Variants in ARL4D observed in about 807,000 individuals in gnomAD.
ARL4D encodes the protein ARF like GTPase 4D.
Under a neutral mutation model 0.6 loss-of-function variants are expected in ARL4D, and 1 was observed. That is an observed-to-expected ratio of 1.64 (90% CI 0.58 to 7.76). The LOEUF (loss-of-function observed/expected upper bound fraction) is 7.76, where lower values mean the gene tolerates loss of function less well. Among genes scored for constraint, ARL4D ranks in the 30% most tolerant of loss-of-function variants. The pLI is 0.14. For missense variants in ARL4D, 230 were observed against 264.5 expected, an observed-to-expected ratio of 0.87 and a Z score of 0.90; for synonymous variants, 102 against 115.2, an observed-to-expected ratio of 0.89 and a Z score of 0.73.
rs2058086967 is a variant in ARL4D, at chr17:43,401,088, G to A, written c.*750G>A. 1 of 166,892 alleles carries A rather than the reference G, an allele frequency of 6.0e-6. No homozygotes were observed. The highest frequency in any genetic ancestry group is 1.5e-5 in the Non-Finnish European group (1 of 68,092). The allele number at this position is 166,892 out of a possible 1,614,324, so 10.3% of individuals were successfully genotyped here. ...TTATAAAAATTAGATTGTGTGTTAC[G>A]GGATGGCTTGTGAAAATTATAGGGG... On this transcript the variant is annotated 3_prime_UTR_variant, in exon 2 of 2. Transcript: ENST00000320033.
rs756182377 is a variant in ARL4D, at chr17:43,400,359, C to T, written c.*21C>T. The stretch of plus-strand genomic sequence containing the variant: ...GGTGACCCAAGCCCCCCCTCCCTTT[C>T]CTCCCACCTAGTAGGGGTCTGCACA... On this transcript the variant is annotated 3_prime_UTR_variant, in exon 2 of 2. Transcript: ENST00000320033. The T allele has an allele frequency of 3.9e-6, 6 of 1,556,816 alleles. No individual in the cohort carries two copies. The highest frequency in any genetic ancestry group is 5.2e-6 in the Non-Finnish European group (6 of 1,151,614).
Position 43,400,307 on chromosome 17 carries a change from A to G in ARL4D, c.575A>G (p.Lys192Arg), listed in dbSNP as rs1204477694. 6.3e-7 allele frequency: 1 copy of G among 1,598,166 alleles called. No individual in the cohort carries two copies. Among genetic ancestry groups the G allele is most frequent in the South Asian group, 1.1e-5 (1 of 89,742 alleles). ...RLYEMILKRK[K>R]AARGGKKRR ...TATGAGATGATCCTCAAGAGGAAGA[A>G]GGCAGCTCGGGGTGGCAAGAAGAGA... The change falls in exon 2 of 2, where the codon AAG becomes AGG. Residue 192 changes from lysine (K) to arginine (R), a missense_variant. By Grantham distance (26) the Lys-to-Arg change is conservative (BLOSUM62 2). Transcript: ENST00000320033.
chr17:43,399,551 T>C, intron 1 of ARL4D, 110 bp from the exon 2 acceptor site: 1 of 769,822 alleles, frequency 1.3e-6, no homozygotes, highest in Non-Finnish European at 2.0e-6. Context: ...AGGAAAGGAA[T>C]TTTAAAAATG....
In ARL4D at chr17:43,400,469, G is replaced by A; in HGVS notation, c.*131G>A. 3.2e-6 allele frequency: 4 copies of A among 1,260,740 alleles called. No individual in the cohort carries two copies. Among genetic ancestry groups the A allele is most frequent in the Non-Finnish European group, 4.3e-6 (4 of 920,892 alleles). The allele number at this position is 1,260,740 out of a possible 1,614,324, so 78.1% of individuals were successfully genotyped here. ...GTCCACCTCAATGAAGGAGAGAGGA[G>A]CATGGGGTGTCCCGTTTTGGTGCCA... On this transcript the variant is annotated 3_prime_UTR_variant, in exon 2 of 2. Coordinates refer to ENST00000320033, the MANE Select transcript of ARL4D (RefSeq NM_001661.4).
chr17:43,399,861 C>T lies in ARL4D; in HGVS notation c.129C>T (p.Phe43=). 6.2e-7 allele frequency: 1 copy of T among 1,614,106 alleles called. No homozygotes were observed. Among genetic ancestry groups the T allele is most frequent in the Non-Finnish European group, 8.5e-7 (1 of 1,180,000 alleles). Residue 43 remains phenylalanine (F), a synonymous_variant, in exon 2 of 2, where the codon TTC becomes TTT. Transcript: ENST00000320033. The part of the protein sequence containing the change: ...GKTSLLYRLK[F]KEFVQSVPTK... ...CCTCCCTCCTTTACCGCCTCAAGTT[C>T]AAGGAGTTTGTCCAGAGTGTCCCCA...
In ARL4D at chr17:43,400,284, T is replaced by A; in HGVS notation, c.552T>A (p.Tyr184Ter). The change falls in exon 2 of 2, where the codon TAT becomes TAA. Residue 184 changes from tyrosine to a stop codon, truncating the protein, a stop_gained. Coordinates refer to ENST00000320033, the MANE Select transcript of ARL4D (RefSeq NM_001661.4). LOFTEE classifies it high-confidence loss of function. ...LGLQQGLERL[Y>*]EMILKRKKAA... is the part of the protein sequence containing the mutation. ...TGCAGCAGGGCCTTGAGCGCCTCTA[T>A]GAGATGATCCTCAAGAGGAAGAAGG... The A allele has an allele frequency of 6.2e-7, 1 of 1,607,658 alleles. No individual in the cohort carries two copies. Among genetic ancestry groups the A allele is most frequent in the Non-Finnish European group, 8.5e-7 (1 of 1,177,556 alleles).
At chr17:43,399,346 C>T (rs1350604891) in intron 1 of ARL4D, among the ~76,000 whole-genome samples, 1 of 152,020 alleles carries the variant, frequency 6.6e-6, no homozygotes, top group Non-Finnish European at 1.5e-5. Flanking sequence ...CCCCGTCCCT[C>T]GGGGATCTTG....
chr17:43,400,045 G>A lies in ARL4D; in HGVS notation c.313G>A (p.Glu105Lys). 1.2e-6 allele frequency: 2 copies of A among 1,613,796 alleles called. No homozygotes were observed. The highest frequency in any genetic ancestry group is 1.7e-6 in the Non-Finnish European group (2 of 1,180,024). Reference protein sequence around the residue: ...DGLVFVVDAAEAERLEEAKVE... With the variant: ...DGLVFVVDAAKAERLEEAKVE... ...TCTAGTGTTTGTGGTGGACGCTGCGGAGGCTGAGCGGCTGGAGGAAGCCAA... is the reference window on the plus strand; with the variant it reads ...TCTAGTGTTTGTGGTGGACGCTGCGAAGGCTGAGCGGCTGGAGGAAGCCAA... Residue 105 changes from glutamate to lysine, a missense_variant, in exon 2 of 2, where the codon GAG (glutamate) becomes AAG (lysine). Around this residue, in one of 3 missense-constraint regions of ARL4D, gnomAD observed 131 missense variants for 134.4 expected, o/e 0.97. Coordinates refer to ENST00000320033, the MANE Select transcript of ARL4D (RefSeq NM_001661.4).
chr17:43,400,505 G>A lies in ARL4D; in HGVS notation c.*167G>A. The stretch of plus-strand genomic sequence containing the variant: ...CCCGTTTTGGTGCCACACTGGGGTG[G>A]GGATGGGAGATGGGATGTCTTTGCA... On this transcript the variant is annotated 3_prime_UTR_variant, in exon 2 of 2. Coordinates refer to ENST00000320033, the MANE Select transcript of ARL4D (RefSeq NM_001661.4). 1.2e-6 allele frequency: 1 copy of A among 856,512 alleles called. No homozygotes were observed. Among genetic ancestry groups the A allele is most frequent in the South Asian group, 1.9e-5 (1 of 53,464 alleles). The allele number at this position is 856,512 out of a possible 1,614,324, so 53.1% of individuals were successfully genotyped here.
chr17:43,399,949 C>T lies in ARL4D; in HGVS notation c.217C>T (p.Gln73Ter). The T allele has an allele frequency of 6.2e-7, 1 of 1,613,974 alleles. No individual in the cohort carries two copies. Among genetic ancestry groups the T allele is most frequent in the Non-Finnish European group, 8.5e-7 (1 of 1,180,006 alleles). Residue 73 changes from glutamine (Q) to a stop codon, truncating the protein, a stop_gained, in exon 2 of 2, where the codon CAA (glutamine) becomes TAA (stop). Transcript: ENST00000320033. LOFTEE classifies it low-confidence loss of function (END_TRUNC). ...CGGGGGATCGCGTGGCATCACCTTCCAAGTGTGGGACGTCGGGGGGCAGGA... is the reference window on the plus strand; with the variant it reads ...CGGGGGATCGCGTGGCATCACCTTCTAAGTGTGGGACGTCGGGGGGCAGGA... ...PLGGSRGITF[Q>*]VWDVGGQEKL...
Position 43,399,777 on chromosome 17 carries a change from C to T in ARL4D, c.45C>T (p.Phe15=). 6.2e-7 allele frequency: 1 copy of T among 1,614,036 alleles called. No homozygotes were observed. Among genetic ancestry groups the T allele is most frequent in the Non-Finnish European group, 8.5e-7 (1 of 1,179,976 alleles). Residue 15 remains phenylalanine, a synonymous_variant, in exon 2 of 2, where the codon TTC becomes TTT. Transcript: ENST00000320033. Reference sequence around the variant, plus strand: ...AGATGGCGCCCACTGCCTCCTCCTTCTTGCCCCACTTCCAAGCCCTGCATG... The same window carrying T: ...AGATGGCGCCCACTGCCTCCTCCTTTTTGCCCCACTTCCAAGCCCTGCATG... ...LTEMAPTASS[F]LPHFQALHVV... is the part of the protein sequence containing the mutation.
chr17:43,399,879 T>C lies in ARL4D; in HGVS notation c.147T>C (p.Ser49=), dbSNP rs1270114105. 1 of 1,613,550 alleles carries C rather than the reference T, an allele frequency of 6.2e-7. No homozygotes were observed. The highest frequency in any genetic ancestry group is 8.5e-7 in the Non-Finnish European group (1 of 1,179,926). The change falls in exon 2 of 2, where the codon AGT becomes AGC. Residue 49 remains serine, a synonymous_variant. Transcript: ENST00000320033. The part of the protein sequence containing the change: ...YRLKFKEFVQ[S]VPTKGFNTEK... ...TCAAGTTCAAGGAGTTTGTCCAGAGTGTCCCCACCAAAGGCTTCAACACCG... is the reference window on the plus strand; with the variant it reads ...TCAAGTTCAAGGAGTTTGTCCAGAGCGTCCCCACCAAAGGCTTCAACACCG...
chr17:43,399,949 CA>C lies in ARL4D; in HGVS notation c.219del (p.Val74CysfsTer24). ...CGGGGGATCGCGTGGCATCACCTTC[CA>C]AGTGTGGGACGTCGGGGGGCAGGAG... ...PLGGSRGITF[Q>X]VWDVGGQEKL... On this transcript the variant is annotated frameshift_variant, in exon 2 of 2. Transcript: ENST00000320033. LOFTEE classifies it low-confidence loss of function (END_TRUNC). 2 of 1,613,974 alleles carry C rather than the reference CA, an allele frequency of 1.2e-6. No individual in the cohort carries two copies. The highest frequency in any genetic ancestry group is 1.7e-6 in the Non-Finnish European group (2 of 1,180,006).
In ARL4D at chr17:43,399,815, G is replaced by T; in HGVS notation, c.83G>T (p.Gly28Val). 1 of 1,613,946 alleles carries T rather than the reference G, an allele frequency of 6.2e-7. No homozygotes were observed. The highest frequency in any genetic ancestry group is 8.5e-7 in the Non-Finnish European group (1 of 1,179,988). The change falls in exon 2 of 2, where the codon GGG becomes GTG. Residue 28 changes from glycine (G) to valine (V), a missense_variant. This residue lies in a region of ARL4D where 91 missense variants were observed against 100.4 expected (regional missense o/e 0.91). Coordinates refer to ENST00000320033, the MANE Select transcript of ARL4D (RefSeq NM_001661.4). Reference sequence around the variant, plus strand: ...CAAGCCCTGCATGTCGTGGTCATTGGGCTGGACTCTGCTGGAAAGACCTCC... The same window carrying T: ...CAAGCCCTGCATGTCGTGGTCATTGTGCTGGACTCTGCTGGAAAGACCTCC... Reference protein sequence around the residue: ...HFQALHVVVIGLDSAGKTSLL... With the variant: ...HFQALHVVVIVLDSAGKTSLL...
Position 43,399,744 on chromosome 17 carries a change from C to T in ARL4D, c.12C>T (p.His4=). The T allele has an allele frequency of 6.2e-7, 1 of 1,612,834 alleles. No homozygotes were observed. The change falls in exon 2 of 2, where the codon CAC becomes CAT. Residue 4 remains histidine, a synonymous_variant. Coordinates refer to ENST00000320033, the MANE Select transcript of ARL4D (RefSeq NM_001661.4). Reference sequence around the variant, plus strand: ...CGCCTTAGCTCACTATGGGGAACCACTTGACTGAGATGGCGCCCACTGCCT... The same window carrying T: ...CGCCTTAGCTCACTATGGGGAACCATTTGACTGAGATGGCGCCCACTGCCT... MGN[H]LTEMAPTASS... is the part of the protein sequence containing the mutation.
chr17:43,400,571 C>G lies in ARL4D; in HGVS notation c.*233C>G, dbSNP rs1431694113. 2 of 514,616 alleles carry G rather than the reference C, an allele frequency of 3.9e-6. No homozygotes were observed. The highest frequency in any genetic ancestry group is 1.9e-5 in the African/African-American group (1 of 52,352). The allele number at this position is 514,616 out of a possible 1,614,324, so 31.9% of individuals were successfully genotyped here. ...CTCTGGAGAAGTGGGCGCTGCAGGACTGTGGAGACGTAAATGTAAACTGTG... is the reference window on the plus strand; with the variant it reads ...CTCTGGAGAAGTGGGCGCTGCAGGAGTGTGGAGACGTAAATGTAAACTGTG... On this transcript the variant is annotated 3_prime_UTR_variant, in exon 2 of 2. Transcript: ENST00000320033.
chr17:43,400,168 G>A lies in ARL4D; in HGVS notation c.436G>A (p.Ala146Thr). Residue 146 changes from alanine (A) to threonine (T), a missense_variant, in exon 2 of 2, where the codon GCT (alanine) becomes ACT (threonine). Physicochemically the swap from Ala to Thr is moderately conservative, Grantham distance 58. This residue lies in a region of ARL4D where 131 missense variants were observed against 134.4 expected (regional missense o/e 0.97). Coordinates refer to ENST00000320033, the MANE Select transcript of ARL4D (RefSeq NM_001661.4). ...GGACCAGCCCGGGGCACTGAGCGCT[G>A]CTGAGGTGGAGAAGAGGCTGGCAGT... ...KQDQPGALSA[A>T]EVEKRLAVRE... The A allele has an allele frequency of 6.2e-7, 1 of 1,603,672 alleles. No individual in the cohort carries two copies. The highest frequency in any genetic ancestry group is 8.5e-7 in the Non-Finnish European group (1 of 1,176,558).
rs1360863677 is a variant in ARL4D at position 43,400,032 on chromosome 17, G to A, written c.300G>A (p.Val100=). ...GCCGGACAGACGGTCTAGTGTTTGTGGTGGACGCTGCGGAGGCTGAGCGGC... is the reference window on the plus strand; with the variant it reads ...GCCGGACAGACGGTCTAGTGTTTGTAGTGGACGCTGCGGAGGCTGAGCGGC... ...YTRRTDGLVF[V]VDAAEAERLE... Residue 100 remains valine, a synonymous_variant, in exon 2 of 2, where the codon GTG becomes GTA. Coordinates refer to ENST00000320033, the MANE Select transcript of ARL4D (RefSeq NM_001661.4). 6.2e-7 allele frequency: 1 copy of A among 1,613,892 alleles called. No individual in the cohort carries two copies. The highest frequency in any genetic ancestry group is 8.5e-7 in the Non-Finnish European group (1 of 1,180,046).
chr17:43,399,445 A>G (rs1305075289), intron 1 of ARL4D, among the ~76,000 whole-genome samples: 2 of 151,254 alleles, frequency 1.3e-5, no homozygotes, highest in Non-Finnish European at 2.9e-5. Flanking sequence ...TGAGTGGCCC[A>G]GGACCTGGGA....
Sources: gnomAD v4.1 joint callset for allele counts (sites outside exome capture counted in the v4.1 genomes callset) on GRCh38, gnomAD v4.1.1 for gene constraint, gnomAD v4.1.1 regional missense constraint, MANE v1.5 for transcripts, NCBI Gene and HGNC (gene_info 2026-07-23, HGNC 2026-07-21) for gene names.